CMC1: variants seen among roughly 807,000 people sequenced by gnomAD.
CMC1 encodes C-X9-C motif containing 1.
Under a neutral mutation model 14.1 loss-of-function variants are expected in CMC1, and 14 were observed. That is an observed-to-expected ratio of 0.99 (90% CI 0.66 to 1.55). CMC1 has a LOEUF of 1.55. Among genes scored for constraint, CMC1 ranks in the 40% most tolerant of loss-of-function variants. CMC1 has a pLI of 0.00. For synonymous variants in CMC1, 50 were observed against 38.4 expected, an observed-to-expected ratio of 1.30 and a Z score of -1.12; for missense variants, 127 against 123.8, an observed-to-expected ratio of 1.03 and a Z score of -0.12.
chr3:28,313,718 A>G (rs1702754458), intron 2 of CMC1, among the ~76,000 whole-genome samples: 1 of 152,248 alleles, frequency 6.6e-6, no homozygotes, highest in African/African-American at 2.4e-5. Flanking sequence ...TATTGTGATC[A>G]GAACACATAA....
intron 2 of CMC1, among the ~76,000 whole-genome samples, chr3:28,276,417 A>G (rs1017954732): frequency 3.9e-5 from 6 of 152,180 alleles, no homozygotes; most frequent in African/African-American, 1.2e-4. Context: ...AAATTTTAAA[A>G]TATTGTTAAA....
chr3:28,265,141 GA>G (rs1577005232), intron 2 of CMC1, among the ~76,000 whole-genome samples: 3 of 152,200 alleles, frequency 2.0e-5, no homozygotes, highest in East Asian at 1.9e-4. Context: ...TACGGTTTCT[GA>G]AGACTGAAAG....
intron 1 of CMC1, among the ~76,000 whole-genome samples, chr3:28,242,802 T>C (rs1698600992): frequency 6.6e-6 from 1 of 152,156 alleles, no homozygotes; most frequent in Non-Finnish European, 1.5e-5. Flanking sequence ...TGGAACATAA[T>C]GATCATATTC....
chr3:28,255,670 T>C (rs1699362817), intron 1 of CMC1, among the ~76,000 whole-genome samples: 1 of 149,024 alleles, frequency 6.7e-6, no homozygotes, highest in Non-Finnish European at 1.5e-5. Context: ...TAGGAACGGT[T>C]AGTAACATTT....
At chr3:28,261,257 T>A (rs991270805) in intron 1 of CMC1, among the ~76,000 whole-genome samples, 1 of 152,162 alleles carries the variant, frequency 6.6e-6, no homozygotes, top group Admixed American at 6.5e-5. Context: ...CAAAATTATC[T>A]CCCATTCTTC....
chr3:28,296,646 A>G (rs963716037), intron 2 of CMC1, among the ~76,000 whole-genome samples: 1 of 152,032 alleles, frequency 6.6e-6, no homozygotes, highest in African/African-American at 2.4e-5. Flanking sequence ...TTATTTTAAT[A>G]AATGTTAAAC....
intron 2 of CMC1, among the ~76,000 whole-genome samples, chr3:28,274,918 A>G (rs1211832350): frequency 6.6e-6 from 1 of 151,838 alleles, no homozygotes; most frequent in East Asian, 1.9e-4. Flanking sequence ...GCAAATTCTC[A>G]GGTTGTGTTT....
rs1559452648 is a variant in CMC1 at position 28,320,545 on chromosome 3, T to C, written c.*916T>C. On this transcript the variant is annotated 3_prime_UTR_variant, in exon 4 of 4. Transcript: ENST00000466830. ...TAGTCCTGTTAAATTAGCAACTAAG[T>C]TTCCAACACATGAACTCTTGGGGGA... is the stretch of plus-strand genomic sequence containing the variant. 6.6e-6 allele frequency: 1 copy of C among 151,448 alleles called. No homozygotes were observed. The highest frequency in any genetic ancestry group is 1.5e-5 in the Non-Finnish European group (1 of 67,620). The allele number at this position is 151,448 out of a possible 1,614,324, so 9.4% of individuals were successfully genotyped here.
At chr3:28,295,827 T>A (rs1391564811) in intron 2 of CMC1, among the ~76,000 whole-genome samples, 5 of 152,050 alleles carry the variant, frequency 3.3e-5, no homozygotes, top group African/African-American at 1.2e-4. Flanking sequence ...GAATACTGTA[T>A]TTTTTATCTG....
intron 2 of CMC1, among the ~76,000 whole-genome samples, chr3:28,309,610 T>C (rs917894337): frequency 1.3e-5 from 2 of 152,170 alleles, no homozygotes; most frequent in African/African-American, 4.8e-5. Context: ...CCCCTTGGAC[T>C]ATTGTACTAA....
At chr3:28,299,957 C>G (rs969227936) in intron 2 of CMC1, among the ~76,000 whole-genome samples, 4 of 152,064 alleles carry the variant, frequency 2.6e-5, no homozygotes, top group Admixed American at 2.0e-4. Context: ...GGGACTTGCT[C>G]TTAAGTAGTA....
At chr3:28,293,160 A>G (rs12107556) in intron 2 of CMC1, among the ~76,000 whole-genome samples, 30,159 of 152,114 alleles carry the variant, frequency 0.2, 3,307 homozygotes, top group Admixed American at 0.28. Flanking sequence ...TTAATTTCAT[A>G]TAGTTCTGTT....
chr3:28,278,412 G>A (rs920480256), intron 2 of CMC1, among the ~76,000 whole-genome samples: 1 of 152,070 alleles, frequency 6.6e-6, no homozygotes, highest in African/African-American at 2.4e-5. Context: ...TCTTATAAAG[G>A]GAAACAAAGG....
At chr3:28,242,986 T>G (rs192961042) in intron 1 of CMC1, among the ~76,000 whole-genome samples, 54 of 152,006 alleles carry the variant, frequency 3.6e-4, no homozygotes, top group Admixed American at 2.2e-3. Flanking sequence ...TTCTTGAGGG[T>G]AGAAGGGGTA....
At position 28,264,632 on chromosome 3, in the gene CMC1, G is replaced by A. The variant is rs1699911353; in HGVS notation, c.109+1252G>A. On this transcript the variant is annotated intron_variant, in intron 2 of 3. Transcript: ENST00000466830. ...GACACCTGCAGGTAGTGCATGTATG[G>A]CATTGGTAGGTGTCATGTTTATGGT... is the stretch of plus-strand genomic sequence containing the variant. Among the ~76,000 whole-genome samples the A allele has an allele frequency of 3.9e-5, 6 of 152,196 alleles. No individual in the cohort carries two copies. In the South Asian group the frequency reaches 1.2e-3, roughly 32 times the overall value.
intron 2 of CMC1, among the ~76,000 whole-genome samples, chr3:28,312,133 G>A (rs1702667130): frequency 6.6e-6 from 1 of 152,126 alleles, no homozygotes; most frequent in Non-Finnish European, 1.5e-5. Context: ...ATTGCCTATA[G>A]CTTATATGTT....
At position 28,319,767 on chromosome 3, in the gene CMC1, T is replaced by A; in HGVS notation, c.*138T>A. The A allele has an allele frequency of 1.3e-6, 1 of 769,958 alleles. No individual in the cohort carries two copies. Among genetic ancestry groups the A allele is most frequent in the Non-Finnish European group, 1.9e-6 (1 of 517,698 alleles). 47.7% of individuals were successfully genotyped at this position (769,958 alleles called of 1,614,324 possible). A position where few individuals can be genotyped will look rare whatever the true frequency, so the allele number is the denominator to read the frequency against. Reference sequence around the variant, plus strand: ...AACTTTATCTGAAATAAATATTTTATTTCAAAGTTTTGGTTTCTTAAATGG... The same window carrying A: ...AACTTTATCTGAAATAAATATTTTAATTCAAAGTTTTGGTTTCTTAAATGG... On this transcript the variant is annotated 3_prime_UTR_variant, in exon 4 of 4. Coordinates refer to ENST00000466830, the MANE Select transcript of CMC1 (RefSeq NM_182523.2).
At chr3:28,263,474 T>C (rs1428807391) in intron 2 of CMC1, 94 bp downstream of exon 2, 1 of 758,572 alleles carries the variant, frequency 1.3e-6, no homozygotes, top group Non-Finnish European at 2.1e-6. Flanking sequence ...GTCAATGAAT[T>C]AATATGTATG....
At chr3:28,302,984 A>G (rs1359338225) in intron 2 of CMC1, among the ~76,000 whole-genome samples, 3 of 152,218 alleles carry the variant, frequency 2.0e-5, no homozygotes, top group Non-Finnish European at 2.9e-5. Flanking sequence ...CTGAAGTTAA[A>G]AGACCTGGTT....
Sources: gnomAD v4.1 joint callset for allele counts (sites outside exome capture counted in the v4.1 genomes callset) on GRCh38, gnomAD v4.1.1 for gene constraint, MANE v1.5 for transcripts, NCBI Gene and HGNC (gene_info 2026-07-23, HGNC 2026-07-21) for gene names.